CNTNAP4: variants seen among roughly 807,000 people sequenced by gnomAD.
CNTNAP4 encodes the protein contactin associated protein family member 4.
Under a neutral mutation model 148.4 loss-of-function variants are expected in CNTNAP4, and 98 were observed. The ratio of observed to expected loss-of-function variants is 0.66; its 90% confidence interval spans 0.56 to 0.78. The LOEUF (loss-of-function observed/expected upper bound fraction) is 0.78. Ranked by LOEUF, CNTNAP4 falls within the 30% of genes least tolerant of loss-of-function variation. CNTNAP4 has a pLI of 0.00. For synonymous variants in CNTNAP4, 730 were observed against 565.1 expected (o/e 1.29, Z -4.14); for missense variants, 1,935 against 1,565.6 (o/e 1.24, Z -3.98).
At chr16:76,497,548 A>G (rs1047126496) in intron 14 of CNTNAP4, among the ~76,000 whole-genome samples, 4 of 152,012 alleles carry the variant, frequency 2.6e-5, no homozygotes, top group African/African-American at 9.7e-5. Flanking sequence ...CTTTGTGGAG[A>G]CATGGATGAA....
chr16:76,382,113 T>C, intron 3 of CNTNAP4, among the ~76,000 whole-genome samples: 2 of 129,318 alleles, frequency 1.5e-5, no homozygotes, highest in African/African-American at 2.9e-5. Flanking sequence ...TATGATAAAC[T>C]ATAGGGGAGG....
intron 21 of CNTNAP4, among the ~76,000 whole-genome samples, chr16:76,545,005 A>G (rs916955762): frequency 2.0e-5 from 3 of 152,240 alleles, no homozygotes; most frequent in African/African-American, 7.2e-5. Context: ...AGGTGAGACA[A>G]AAGGTGACCT....
chr16:76,405,942 T>G (rs1171323392), intron 3 of CNTNAP4, among the ~76,000 whole-genome samples: 4 of 152,008 alleles, frequency 2.6e-5, no homozygotes, highest in African/African-American at 7.2e-5. Flanking sequence ...TTGGGCCAGG[T>G]GCAGTGGCTC....
intron 2 of CNTNAP4, among the ~76,000 whole-genome samples, chr16:76,350,109 A>G (rs1014801226): frequency 6.6e-6 from 1 of 152,144 alleles, no homozygotes; most frequent in Admixed American, 6.6e-5. Flanking sequence ...CAGGTAATTT[A>G]TAATTAAATC....
intron 1 of CNTNAP4, 80 bp from the exon 2 acceptor site, chr16:76,316,333 C>G (rs1200300903): frequency 2.3e-6 from 2 of 859,630 alleles, no homozygotes; most frequent in African/African-American, 3.3e-5. Context: ...TGTTGTTTTA[C>G]TTGTTGGTTG....
At chr16:76,544,924 C>T (rs1016526251) in intron 21 of CNTNAP4, among the ~76,000 whole-genome samples, 1 of 152,162 alleles carries the variant, frequency 6.6e-6, no homozygotes, top group African/African-American at 2.4e-5. Context: ...ACTCAGTCTC[C>T]TCTGATGAGC....
At chr16:76,298,810 G>T (rs954204896) in intron 1 of CNTNAP4, among the ~76,000 whole-genome samples, 1 of 152,016 alleles carries the variant, frequency 6.6e-6, no homozygotes, top group African/African-American at 2.4e-5. Flanking sequence ...GCCATGGAGT[G>T]GAGCCAAACA....
At chr16:76,551,886 A>T (rs560608388) in intron 21 of CNTNAP4, among the ~76,000 whole-genome samples, 1 of 152,164 alleles carries the variant, frequency 6.6e-6, no homozygotes, top group Non-Finnish European at 1.5e-5. Flanking sequence ...GAAAGACTAA[A>T]GTGCACATTT....
intron 21 of CNTNAP4, among the ~76,000 whole-genome samples, chr16:76,544,463 C>T (rs183408841): frequency 1.3e-5 from 2 of 152,088 alleles, no homozygotes; most frequent in Non-Finnish European, 2.9e-5. Context: ...TCAAACTGTA[C>T]TCTGATGACA....
In CNTNAP4 at chr16:76,539,260, C is replaced by T. The variant is rs574046203; in HGVS notation, c.3221-459C>T. ...ATTATTTCATTTCAAAGTCTATGAC[C>T]ATGACTACTTGGACATATTTCTTCT... On this transcript the variant is annotated intron_variant, in intron 19 of 23. Transcript: ENST00000611870. 7.8e-4 allele frequency among the ~76,000 whole-genome samples: 119 copies of T among 152,036 alleles called. 1 individual carries two copies. Among genetic ancestry groups the T allele is most frequent in the African/African-American group, 2.8e-3 (115 of 41,498 alleles).
rs574056891 is a variant in CNTNAP4, at chr16:76,415,148, T to A, written c.391-12304T>A. Among the ~76,000 whole-genome samples, 9 of 151,348 alleles carry A rather than the reference T, an allele frequency of 5.9e-5. No individual in the cohort carries two copies. The East Asian group carries it at 1.7e-3, about 29-fold the overall frequency. ...TTCTTTCAGATTTATAACACAAATG[T>A]ATTTATGAAGTATGTTTTCTAAACA... On this transcript the variant is annotated intron_variant, in intron 3 of 23. Transcript: ENST00000611870.
chr16:76,374,023 G>A (rs1373089075), intron 3 of CNTNAP4, among the ~76,000 whole-genome samples: 3 of 152,062 alleles, frequency 2.0e-5, no homozygotes, highest in Non-Finnish European at 4.4e-5. Flanking sequence ...CTTGTTTTGT[G>A]TCTAACAAAT....
rs572363416 is a variant in CNTNAP4 at position 76,502,841 on chromosome 16, G to A, written c.2365+4147G>A. Among the ~76,000 whole-genome samples the A allele has an allele frequency of 3.6e-3, 542 of 151,550 alleles. 2 individuals are homozygous for A. Among genetic ancestry groups the A allele is most frequent in the African/African-American group, 0.013 (519 of 41,088 alleles). ...AAAAAAAGTGAGAATGAAAAAAGTAGTATTTTCATTTTCTCACACAAACGA... is the reference window on the plus strand; with the variant it reads ...AAAAAAAGTGAGAATGAAAAAAGTAATATTTTCATTTTCTCACACAAACGA... On this transcript the variant is annotated intron_variant, in intron 15 of 23. Coordinates refer to ENST00000611870, the MANE Select transcript of CNTNAP4 (RefSeq NM_033401.5).
chr16:76,544,702 G>T (rs1336070938), intron 21 of CNTNAP4, among the ~76,000 whole-genome samples: 1 of 152,064 alleles, frequency 6.6e-6, no homozygotes, highest in Non-Finnish European at 1.5e-5. Context: ...ACTTTTATAT[G>T]TTAGATTAGT....
At chr16:76,520,096 A>G (rs182007592) in intron 15 of CNTNAP4, among the ~76,000 whole-genome samples, 4 of 152,244 alleles carry the variant, frequency 2.6e-5, no homozygotes, top group South Asian at 2.1e-4. Flanking sequence ...CATGTAGGTA[A>G]TGTGTGTAGA....
rs750825980 is a variant in CNTNAP4 at position 76,553,311 on chromosome 16, A to G, written c.3471A>G (p.Ala1157=). 1 of 1,612,060 alleles carries G rather than the reference A, an allele frequency of 6.2e-7. No individual in the cohort carries two copies. The highest frequency in any genetic ancestry group is 1.1e-5 in the South Asian group (1 of 90,896). Residue 1157 remains alanine, a synonymous_variant, in exon 22 of 24, where the codon GCA becomes GCG. Transcript: ENST00000611870. ...LEHSDVDQDT[A]LAGAQGFTGC... is the part of the protein sequence containing the mutation. The stretch of plus-strand genomic sequence containing the variant: ...ACAGTGATGTGGACCAGGATACTGC[A>G]CTGGCAGGTGCGCAGGGCTTCACAG...
At position 76,560,246 on chromosome 16, in the gene CNTNAP4, A is replaced by C. The variant is rs926974694; in HGVS notation, c.*1563A>C. Among the ~76,000 whole-genome samples, 1 of 152,192 alleles carries C rather than the reference A, an allele frequency of 6.6e-6. No individual in the cohort carries two copies. Among genetic ancestry groups the C allele is most frequent in the African/African-American group, 2.4e-5 (1 of 41,468 alleles). ...GAAGAATCGGGAAATATGTAAATTT[A>C]GCATTACTATCATCTTATTTTCTAT... On this transcript the variant is annotated 3_prime_UTR_variant, in exon 24 of 24. Coordinates refer to ENST00000611870, the MANE Select transcript of CNTNAP4 (RefSeq NM_033401.5).
intron 3 of CNTNAP4, among the ~76,000 whole-genome samples, chr16:76,367,932 G>A (rs2014355031): frequency 6.6e-6 from 1 of 152,168 alleles, no homozygotes; most frequent in South Asian, 2.1e-4. Flanking sequence ...TCCAGGTTAT[G>A]TCTGTGATAG....
chr16:76,357,948 G>A (rs1452926542), intron 3 of CNTNAP4, among the ~76,000 whole-genome samples: 2 of 152,072 alleles, frequency 1.3e-5, no homozygotes, highest in South Asian at 2.1e-4. Context: ...TAGGTGAAAG[G>A]ACCAATAAAT....
Sources: gnomAD v4.1 joint callset for allele counts (sites outside exome capture counted in the v4.1 genomes callset) on GRCh38, gnomAD v4.1.1 for gene constraint, MANE v1.5 for transcripts, NCBI Gene and HGNC (gene_info 2026-07-23, HGNC 2026-07-21) for gene names.